CAND1: variants seen among roughly 807,000 people sequenced by gnomAD.
CAND1 encodes the protein cullin-associated NEDD8-dissociated protein 1.
In CAND1, 7 loss-of-function variants were observed where a neutral mutation model predicts 108.5. The observed-to-expected ratio is 0.06, with a 90% CI of 0.04 to 0.12. The LOEUF (loss-of-function observed/expected upper bound fraction) is 0.12. Ranked by LOEUF, CAND1 falls within the 10% of genes least tolerant of loss-of-function variation. The pLI is 1.00. For missense variants in CAND1, 941 were observed against 1,448.7 expected (o/e 0.65, Z 5.69); for synonymous variants, 534 against 512.0 (o/e 1.04, Z -0.58).
chr12:67,279,779 G>T (rs899018911), intron 1 of CAND1, among the ~76,000 whole-genome samples: 1 of 152,094 alleles, frequency 6.6e-6, no homozygotes, highest in Admixed American at 6.5e-5. Context: ...ATGAATTTGT[G>T]CCGGTAGAAC....
Position 67,306,211 on chromosome 12 carries a change from A to G in CAND1, c.2543A>G (p.His848Arg), listed in dbSNP as rs1040132447. The change falls in exon 10 of 15, where the codon CAT (histidine) becomes CGT (arginine). Residue 848 changes from histidine to arginine, a missense_variant. Transcript: ENST00000545606. ...ALLSLGEVGH[H>R]IDLSGQLELK... ...CTTTCTCTTGGAGAAGTTGGGCATC[A>G]TATTGACTTAAGTGGACAGTTGGAA... 5.6e-6 allele frequency: 9 copies of G among 1,614,058 alleles called. No homozygotes were observed. The highest frequency in any genetic ancestry group is 6.8e-6 in the Non-Finnish European group (8 of 1,180,020).
chr12:67,307,265 G>A lies in CAND1; in HGVS notation c.2930-132G>A, dbSNP rs2136018914. 7.6e-6 allele frequency: 5 copies of A among 656,986 alleles called. No homozygotes were observed. The East Asian group carries it at 1.4e-4, about 18-fold the overall frequency. The allele number at this position is 656,986 out of a possible 1,614,324, so 40.7% of individuals were successfully genotyped here. ...TCCTTTGGATTCATGTGTGCAATAA[G>A]AAATACCCTTCTTGGCCAAGGAGAA... is the stretch of plus-strand genomic sequence containing the variant. On this transcript the variant is annotated intron_variant, in intron 10 of 14. Coordinates refer to ENST00000545606, the MANE Select transcript of CAND1 (RefSeq NM_018448.5).
At chr12:67,288,715 T>C (rs1379484446) in intron 2 of CAND1, among the ~76,000 whole-genome samples, 1 of 151,848 alleles carries the variant, frequency 6.6e-6, no homozygotes, top group Non-Finnish European at 1.5e-5. Flanking sequence ...GTGGAAAGAG[T>C]CAGTCAGAGA....
At chr12:67,294,981 G>A (rs956687507) in intron 3 of CAND1, 52 bp from the exon 4 acceptor site, 13 of 1,579,036 alleles carry the variant, frequency 8.2e-6, no homozygotes, top group Non-Finnish European at 1.0e-5. Flanking sequence ...GAATATAAGA[G>A]GGAATTCAAC....
chr12:67,311,911 T>C, intron 14 of CAND1, 111 bp downstream of exon 14: 1 of 647,802 alleles, frequency 1.5e-6, no homozygotes, highest in South Asian at 1.9e-5. Flanking sequence ...TGTGTAGCAG[T>C]TGGTTTAAAA....
intron 11 of CAND1, among the ~76,000 whole-genome samples, chr12:67,308,701 G>C (rs902138381): frequency 6.6e-6 from 1 of 151,944 alleles, no homozygotes; most frequent in Non-Finnish European, 1.5e-5. Context: ...TACTGAAAGC[G>C]GATATATACT....
intron 11 of CAND1, among the ~76,000 whole-genome samples, chr12:67,308,325 C>T (rs2044910367): frequency 6.6e-6 from 1 of 152,084 alleles, no homozygotes; most frequent in Non-Finnish European, 1.5e-5. Context: ...AGCACAGGCA[C>T]AAATGGGTTC....
intron 1 of CAND1, among the ~76,000 whole-genome samples, chr12:67,279,104 T>C (rs2044596556): frequency 6.6e-6 from 1 of 151,898 alleles, no homozygotes; most frequent in Non-Finnish European, 1.5e-5. Context: ...TCCTATTAGG[T>C]TTCTGTGCTC....
At chr12:67,290,340 G>A (rs979409214) in intron 2 of CAND1, among the ~76,000 whole-genome samples, 1 of 151,876 alleles carries the variant, frequency 6.6e-6, no homozygotes, top group Non-Finnish European at 1.5e-5. Context: ...GTGAAACCCC[G>A]TCTCTACTAA....
intron 3 of CAND1, among the ~76,000 whole-genome samples, chr12:67,294,310 G>A (rs2044748591): frequency 2.6e-5 from 4 of 152,012 alleles, no homozygotes; most frequent in African/African-American, 9.7e-5. Flanking sequence ...TCTGATTTAT[G>A]AGTCCTGGAA....
At chr12:67,269,823 T>C in intron 1 of CAND1, 38 bp downstream of exon 1, 1 of 1,560,726 alleles carries the variant, frequency 6.4e-7, no homozygotes, top group African/African-American at 1.4e-5. Context: ...ACCTCGGGGT[T>C]CTCGCAGCCG....
intron 1 of CAND1, among the ~76,000 whole-genome samples, chr12:67,278,847 C>T (rs1043272025): frequency 1.3e-5 from 2 of 152,150 alleles, no homozygotes; most frequent in African/African-American, 4.8e-5. Flanking sequence ...TAACACTTTC[C>T]TTCATAGCAT....
chr12:67,280,837 A>G (rs751659635), intron 1 of CAND1, among the ~76,000 whole-genome samples: 2 of 150,300 alleles, frequency 1.3e-5, no homozygotes, highest in East Asian at 1.9e-4. Flanking sequence ...GGTTTTTGCC[A>G]GGCAACACAC....
At position 67,315,010 on chromosome 12, in the gene CAND1, A is replaced by G. The variant is rs554506726; in HGVS notation, c.*2180A>G. The G allele has an allele frequency of 6.6e-6, 1 of 152,354 alleles. No homozygotes were observed. Among genetic ancestry groups the G allele is most frequent in the East Asian group, 1.9e-4 (1 of 5,184 alleles). The allele number at this position is 152,354 out of a possible 1,614,324, so 9.4% of individuals were successfully genotyped here. On this transcript the variant is annotated 3_prime_UTR_variant, in exon 15 of 15. Coordinates refer to ENST00000545606, the MANE Select transcript of CAND1 (RefSeq NM_018448.5). ...GGAGTCCAGACATAGTCTACCACTC[A>G]TGCTACTTACTAGTAATATTAAGGT... is the stretch of plus-strand genomic sequence containing the variant.
rs2045002154 is a variant in CAND1, at chr12:67,315,751, C to A, written c.*2921C>A. 1 of 152,116 alleles carries A rather than the reference C, an allele frequency of 6.6e-6. No homozygotes were observed. Among genetic ancestry groups the A allele is most frequent in the Admixed American group, 6.5e-5 (1 of 15,284 alleles). The allele number at this position is 152,116 out of a possible 1,614,324, so 9.4% of individuals were successfully genotyped here. Reference sequence around the variant, plus strand: ...AATAGTGAAGAAATAATGGGCATATCTAATTAACCAGTTCTAGTGGGTGTT... The same window carrying A: ...AATAGTGAAGAAATAATGGGCATATATAATTAACCAGTTCTAGTGGGTGTT... On this transcript the variant is annotated 3_prime_UTR_variant, in exon 15 of 15. Transcript: ENST00000545606.
At position 67,312,659 on chromosome 12, in the gene CAND1, A is replaced by G. The variant is rs2044963867; in HGVS notation, c.3522A>G (p.Arg1174=). ...QEFEKQDELK[R]SAMRAVAALL... ...TTGAAAAACAAGATGAATTAAAGCGATCTGCCATGAGAGCAGTAGCAGCAC... is the reference window on the plus strand; with the variant it reads ...TTGAAAAACAAGATGAATTAAAGCGGTCTGCCATGAGAGCAGTAGCAGCAC... Residue 1174 remains arginine, a synonymous_variant, in exon 15 of 15, where the codon CGA becomes CGG. Transcript: ENST00000545606. The G allele has an allele frequency of 6.2e-7, 1 of 1,612,908 alleles. No individual in the cohort carries two copies. Among genetic ancestry groups the G allele is most frequent in the Non-Finnish European group, 8.5e-7 (1 of 1,179,590 alleles).
chr12:67,291,713 TTGAC>T (rs2044723846), intron 2 of CAND1, among the ~76,000 whole-genome samples: 1 of 152,138 alleles, frequency 6.6e-6, no homozygotes, highest in African/African-American at 2.4e-5. Context: ...AAACAAAGCT[TTGAC>T]TGACCAGCAC....
intron 2 of CAND1, among the ~76,000 whole-genome samples, chr12:67,290,918 C>T (rs2044716544): frequency 1.3e-5 from 2 of 152,138 alleles, no homozygotes. Flanking sequence ...AGCACGAACC[C>T]TATTGTAAAC....
chr12:67,269,865 C>A (rs1348980444), intron 1 of CAND1, 80 bp downstream of exon 1: 4 of 1,240,332 alleles, frequency 3.2e-6, no homozygotes, highest in Admixed American at 2.1e-5. Flanking sequence ...CCTTGCCCCA[C>A]CCCTTCGGCC....
Sources: allele counts gnomAD v4.1 joint callset (sites outside exome capture counted in the v4.1 genomes callset), GRCh38; gene constraint gnomAD v4.1.1; transcripts MANE v1.5; gene names NCBI Gene and HGNC (gene_info 2026-07-23, HGNC 2026-07-21).